Variants in SH3D19 observed in about 807,000 individuals in gnomAD.
The protein encoded by SH3D19 is SH3 domain containing 19, also known as SH3 domain-containing protein 19.
Under a neutral mutation model 112.1 loss-of-function variants are expected in SH3D19, and 58 were observed. That is an observed-to-expected ratio of 0.52 (90% CI 0.42 to 0.64). The LOEUF is 0.64. Among genes scored for constraint, SH3D19 ranks in the 30% least tolerant of loss-of-function variants. SH3D19 has a pLI of 0.00. For missense variants in SH3D19, 1,090 were observed against 1,263.4 expected, an observed-to-expected ratio of 0.86 and a Z score of 2.08; for synonymous variants, 391 against 448.5, an observed-to-expected ratio of 0.87 and a Z score of 1.62.
intron 2 of SH3D19, among the ~76,000 whole-genome samples, chr4:151,220,778 ACT>A (rs1767894575): frequency 6.6e-6 from 1 of 152,144 alleles, no homozygotes; most frequent in African/African-American, 2.4e-5. Context: ...TGTATCAAAG[ACT>A]CTGAGGAGCA....
intron 1 of SH3D19, among the ~76,000 whole-genome samples, chr4:151,293,079 C>T (rs1775456938): frequency 1.3e-5 from 2 of 152,092 alleles, no homozygotes; most frequent in African/African-American, 4.8e-5. Flanking sequence ...AAGATCCCAT[C>T]ACTGCACTCC....
chr4:151,287,873 CCTCT>C (rs1372534525), intron 1 of SH3D19, among the ~76,000 whole-genome samples: 1 of 151,976 alleles, frequency 6.6e-6, no homozygotes, highest in African/African-American at 2.4e-5. Flanking sequence ...AAGTGAGACC[CCTCT>C]CTCTTTTTTT....
In SH3D19 at chr4:151,121,086, C is replaced by T. The variant is rs1166089617; in HGVS notation, c.*1005G>A. On this transcript the variant is annotated 3_prime_UTR_variant, in exon 20 of 20. Coordinates refer to ENST00000604030, the MANE Select transcript of SH3D19 (RefSeq NM_001378122.1). ...AACAAAAAAGTACCAGTCTTCTGTC[C>T]TCTTAAATTATTTTTCATTCTGATT... 3 of 152,464 alleles carry T rather than the reference C, an allele frequency of 2.0e-5. No homozygotes were observed. Among genetic ancestry groups the T allele is most frequent in the African/African-American group, 7.2e-5 (3 of 41,420 alleles). 9.4% of individuals were successfully genotyped at this position (152,464 alleles called of 1,614,324 possible).
At chr4:151,242,270 T>C (rs749209934) in intron 1 of SH3D19, among the ~76,000 whole-genome samples, 33 of 152,242 alleles carry the variant, frequency 2.2e-4, no homozygotes, top group Non-Finnish European at 4.6e-4. Context: ...CTTACAAATT[T>C]CATATACTGG....
intron 1 of SH3D19, among the ~76,000 whole-genome samples, chr4:151,316,579 TTTTA>T (rs1561455637): frequency 6.6e-6 from 1 of 151,900 alleles, no homozygotes; most frequent in East Asian, 1.9e-4. Flanking sequence ...CATTTAATTT[TTTTA>T]TTTTTTTCTT....
intron 2 of SH3D19, among the ~76,000 whole-genome samples, chr4:151,206,660 T>C (rs1157084191): frequency 1.3e-5 from 2 of 152,216 alleles, no homozygotes; most frequent in African/African-American, 2.4e-5. Flanking sequence ...TTTCCTCTAA[T>C]GGTATTGCAT....
intron 4 of SH3D19, among the ~76,000 whole-genome samples, chr4:151,178,724 G>A (rs1400866675): frequency 3.3e-5 from 5 of 152,008 alleles, no homozygotes; most frequent in Non-Finnish European, 7.4e-5. Context: ...TATACTGTAA[G>A]CAATTTGACA....
intron 1 of SH3D19, among the ~76,000 whole-genome samples, chr4:151,311,288 T>C (rs62330907): frequency 0.27 from 40,134 of 151,334 alleles, 6,177 homozygotes; most frequent in East Asian, 0.37. Flanking sequence ...CCCAGCTTCT[T>C]GAGATGCTGA....
chr4:151,157,427 T>TAA (rs34435866), intron 9 of SH3D19, among the ~76,000 whole-genome samples: 104,517 of 146,350 alleles, frequency 0.71, 41,758 homozygotes, highest in Non-Finnish European at 0.9. Flanking sequence ...ATCTAAAAGA[T>TAA]AAAAAAAAAA....
intron 1 of SH3D19, among the ~76,000 whole-genome samples, chr4:151,298,605 T>C (rs1200140889): frequency 6.6e-6 from 1 of 151,874 alleles, no homozygotes. Context: ...ATAGGCAGTC[T>C]AGAGTTCAGA....
At chr4:151,203,267 A>G (rs1236044465) in intron 2 of SH3D19, among the ~76,000 whole-genome samples, 1 of 152,150 alleles carries the variant, frequency 6.6e-6, no homozygotes, top group Non-Finnish European at 1.5e-5. Flanking sequence ...ACACGGAACA[A>G]TCCTTGGCAG....
intron 8 of SH3D19, among the ~76,000 whole-genome samples, chr4:151,162,142 C>T (rs1356948297): frequency 6.6e-6 from 1 of 151,744 alleles, no homozygotes; most frequent in African/African-American, 2.4e-5. Flanking sequence ...AATGCTCTCC[C>T]TCCCCTTGCC....
At chr4:151,225,273 G>A (rs1391956076) in intron 2 of SH3D19, among the ~76,000 whole-genome samples, 1 of 152,002 alleles carries the variant, frequency 6.6e-6, no homozygotes, top group Admixed American at 6.6e-5. Flanking sequence ...GGTAGAATGT[G>A]GAATAAAAAG....
At chr4:151,240,218 A>G (rs993037442) in intron 1 of SH3D19, among the ~76,000 whole-genome samples, 3 of 151,882 alleles carry the variant, frequency 2.0e-5, no homozygotes, top group Non-Finnish European at 4.4e-5. Flanking sequence ...CAGCTTGGGT[A>G]AGATGGCGAG....
intron 1 of SH3D19, among the ~76,000 whole-genome samples, chr4:151,260,450 G>GT (rs749496606): frequency 2.0e-5 from 3 of 152,068 alleles, no homozygotes; most frequent in Non-Finnish European, 4.4e-5. Context: ...GACAAATATT[G>GT]TATCTCACTT....
At chr4:151,248,382 C>T (rs1042016535) in intron 1 of SH3D19, among the ~76,000 whole-genome samples, 2 of 152,154 alleles carry the variant, frequency 1.3e-5, no homozygotes, top group Non-Finnish European at 2.9e-5. Flanking sequence ...GAATTAAGCA[C>T]AGCTGATTAG....
chr4:151,146,307 T>A (rs1431494782), intron 11 of SH3D19, among the ~76,000 whole-genome samples: 1 of 152,180 alleles, frequency 6.6e-6, no homozygotes, highest in Admixed American at 6.5e-5. Context: ...TATTTTATTT[T>A]TTTTTTTAAA....
chr4:151,222,959 G>C (rs12504166), intron 2 of SH3D19, among the ~76,000 whole-genome samples: 13,560 of 149,572 alleles, frequency 0.091, 871 homozygotes, highest in East Asian at 0.19. Flanking sequence ...GAGCCAACGC[G>C]CCCGGCCTCT....
At chr4:151,127,006 T>A (rs113878293) in intron 19 of SH3D19, among the ~76,000 whole-genome samples, 1 of 150,280 alleles carries the variant, frequency 6.7e-6, no homozygotes, top group Non-Finnish European at 1.5e-5. Flanking sequence ...ACCTCCCGGG[T>A]TCATGCCATT....
Sources: allele counts gnomAD v4.1 joint callset (sites outside exome capture counted in the v4.1 genomes callset), GRCh38; gene constraint gnomAD v4.1.1; transcripts MANE v1.5; gene names NCBI Gene and HGNC (gene_info 2026-07-23, HGNC 2026-07-21).